Variants in DCUN1D4 observed in about 807,000 individuals in gnomAD.
The protein encoded by DCUN1D4 is DCN1-like protein 4.
In DCUN1D4, 22 loss-of-function variants were observed where a neutral mutation model predicts 47.9. The ratio of observed to expected loss-of-function variants is 0.46; its 90% CI spans 0.33 to 0.66. The LOEUF is 0.66. Among genes scored for constraint, DCUN1D4 ranks in the 30% least tolerant of loss-of-function variants. The pLI is 0.02. For missense variants in DCUN1D4, 301 were observed against 340.8 expected, an observed-to-expected ratio of 0.88 and a Z score of 0.92; for synonymous variants, 121 against 112.2, an observed-to-expected ratio of 1.08 and a Z score of -0.50.
chr4:51,836,547 A>C, the DCUN1D4 span, among the ~76,000 whole-genome samples: 1 of 152,216 alleles, frequency 6.6e-6, no homozygotes, highest in Non-Finnish European at 1.5e-5. Context: ...CCTGTGGTAG[A>C]TTCAACTGGG....
At chr4:51,873,850 G>A (rs1727270222) in intron 3 of DCUN1D4, among the ~76,000 whole-genome samples, 1 of 152,084 alleles carries the variant, frequency 6.6e-6, no homozygotes, top group South Asian at 2.1e-4. Context: ...AGACTACTGG[G>A]ACTGATGTGC....
intron 3 of DCUN1D4, among the ~76,000 whole-genome samples, chr4:51,873,093 G>A (rs1419100041): frequency 2.0e-5 from 3 of 152,180 alleles, no homozygotes; most frequent in Admixed American, 6.5e-5. Context: ...GTGAAGAACT[G>A]GAACTCACTC....
Position 51,863,768 on chromosome 4 carries a change from A to G in DCUN1D4, c.136+59A>G, listed in dbSNP as rs886385681. The G allele has an allele frequency of 5.0e-5, 76 of 1,509,376 alleles. No homozygotes were observed. The Admixed American group carries it at 6.7e-4, about 13-fold the overall frequency. 93.5% of individuals were successfully genotyped at this position (1,509,376 alleles called of 1,614,324 possible). A position where few individuals can be genotyped will look rare whatever the true frequency, so the allele number is the denominator to read the frequency against. ...ATAGCTTCTTAATATTAGGAAAGAG[A>G]AATACTAGCTATGAATGCGCTATGT... On this transcript the variant is annotated intron_variant, in intron 3 of 10. Transcript: ENST00000334635.
At chr4:51,856,256 G>A (rs1183431340) in intron 1 of DCUN1D4, among the ~76,000 whole-genome samples, 1 of 152,102 alleles carries the variant, frequency 6.6e-6, no homozygotes, top group Non-Finnish European at 1.5e-5. Flanking sequence ...TTTGTTAAGA[G>A]CATAATACTG....
intron 4 of DCUN1D4, chr4:51,875,269 C>T (rs1426218902): frequency 6.6e-6 from 1 of 152,192 alleles, no homozygotes; most frequent in African/African-American, 2.4e-5. Context: ...CACCAGCAAT[C>T]TTTAGGCCAG....
chr4:51,857,370 A>G (rs2109858596), intron 1 of DCUN1D4, among the ~76,000 whole-genome samples: 1 of 152,078 alleles, frequency 6.6e-6, no homozygotes, highest in South Asian at 2.1e-4. Flanking sequence ...ATAAATGGCC[A>G]CTCTAAATTC....
chr4:51,860,154 T>C (rs1724822762), intron 1 of DCUN1D4, among the ~76,000 whole-genome samples: 1 of 152,204 alleles, frequency 6.6e-6, no homozygotes, highest in Admixed American at 6.5e-5. Context: ...CTTCTCCTTA[T>C]GTTGATGAGA....
At chr4:51,860,659 A>T (rs1249200622) in intron 1 of DCUN1D4, 1 of 455,030 alleles carries the variant, frequency 2.2e-6, no homozygotes, top group Non-Finnish European at 4.4e-6. Context: ...CGAGAGAGAG[A>T]AAGGGTGAGA....
intron 1 of DCUN1D4, among the ~76,000 whole-genome samples, chr4:51,858,012 A>G (rs1298813137): frequency 6.6e-6 from 1 of 152,166 alleles, no homozygotes; most frequent in African/African-American, 2.4e-5. Context: ...CAAATATATA[A>G]TATAATGTCA....
At chr4:51,908,241 GTAT>G (rs1216227352) in intron 8 of DCUN1D4, among the ~76,000 whole-genome samples, 3 of 152,150 alleles carry the variant, frequency 2.0e-5, no homozygotes, top group Admixed American at 6.6e-5. Flanking sequence ...TGTTCAGTTT[GTAT>G]TATTATTTGA....
At chr4:51,839,034 C>T (rs1477049394), upstream of DCUN1D4, among the ~76,000 whole-genome samples, 1 of 151,968 alleles carries the variant, frequency 6.6e-6, no homozygotes, top group Non-Finnish European at 1.5e-5. Flanking sequence ...GAGATCCCAC[C>T]ACTGCACTCC....
In DCUN1D4 at chr4:51,913,552, G is replaced by A; in HGVS notation, c.847G>A (p.Val283Met). 1 of 1,612,944 alleles carries A rather than the reference G, an allele frequency of 6.2e-7. No homozygotes were observed. The highest frequency in any genetic ancestry group is 8.5e-7 in the Non-Finnish European group (1 of 1,179,288). The change falls in exon 11 of 11, where the codon GTG becomes ATG. Residue 283 changes from valine to methionine, a missense_variant. Coordinates refer to ENST00000334635, the MANE Select transcript of DCUN1D4 (RefSeq NM_001040402.3). Reference protein sequence around the residue: ...GAWPVLLDEFVEWYKDKQMS With the variant: ...GAWPVLLDEFMEWYKDKQMS The stretch of plus-strand genomic sequence containing the variant: ...AGGGCCAGTTTTGTTGGACGAGTTT[G>A]TGGAGTGGTATAAAGACAAACAGAT...
At chr4:51,834,814 G>A in the DCUN1D4 span, among the ~76,000 whole-genome samples, 9 of 152,232 alleles carry the variant, frequency 5.9e-5, no homozygotes, top group African/African-American at 1.9e-4. Context: ...AATGACGCAC[G>A]TCTGATCCAT....
chr4:51,856,603 G>GA (rs1724181438), intron 1 of DCUN1D4, among the ~76,000 whole-genome samples: 1 of 152,212 alleles, frequency 6.6e-6, no homozygotes, highest in Non-Finnish European at 1.5e-5. Flanking sequence ...TAGAATGGAA[G>GA]AAGTAGCCTT....
chr4:51,899,411 C>A, intron 8 of DCUN1D4, 33 bp downstream of exon 8: 1 of 1,567,844 alleles, frequency 6.4e-7, no homozygotes, highest in Non-Finnish European at 8.6e-7. Flanking sequence ...AGATGTTTCC[C>A]TCTCTTCCCT....
chr4:51,904,667 T>C (rs1173091893), intron 8 of DCUN1D4, among the ~76,000 whole-genome samples: 1 of 152,202 alleles, frequency 6.6e-6, no homozygotes, highest in Non-Finnish European at 1.5e-5. Context: ...AGTCCTGTGT[T>C]GCCTGTTTTT....
intron 3 of DCUN1D4, among the ~76,000 whole-genome samples, chr4:51,869,866 G>A (rs1726597812): frequency 6.6e-6 from 1 of 152,158 alleles, no homozygotes; most frequent in African/African-American, 2.4e-5. Context: ...GAAATCAGAT[G>A]GGGTCAGTTA....
At chr4:51,895,087 C>G (rs189306294) in intron 7 of DCUN1D4, among the ~76,000 whole-genome samples, 31 of 152,102 alleles carry the variant, frequency 2.0e-4, no homozygotes, top group African/African-American at 7.0e-4. Context: ...ACCTAATAAT[C>G]TCACAAAGGC....
At chr4:51,885,343 G>A (rs544471008) in intron 5 of DCUN1D4, among the ~76,000 whole-genome samples, 1 of 152,266 alleles carries the variant, frequency 6.6e-6, no homozygotes, top group South Asian at 2.1e-4. Context: ...GGTAAAATTG[G>A]TAGTACACTT....
Sources: allele counts gnomAD v4.1 joint callset (sites outside exome capture counted in the v4.1 genomes callset), GRCh38; gene constraint gnomAD v4.1.1; transcripts MANE v1.5; gene names NCBI Gene and HGNC (gene_info 2026-07-23, HGNC 2026-07-21).